The following EPHA4 variants were observed in gnomAD, a reference collection of about 807,000 sequenced individuals.
The protein encoded by EPHA4 is EPH receptor A4.
In EPHA4, 19 loss-of-function variants were observed where a neutral mutation model predicts 108.3. That is an observed-to-expected ratio of 0.18 (90% CI 0.12 to 0.26). EPHA4 has a LOEUF of 0.26. EPHA4 is among the 10% of genes least tolerant of loss of function. EPHA4 has a pLI of 1.00. For synonymous variants in EPHA4, 449 were observed against 455.5 expected (o/e 0.99, Z 0.18); for missense variants, 917 against 1,254.0 (o/e 0.73, Z 4.06).
In EPHA4 at chr2:221,564,261, T is replaced by C; in HGVS notation, c.293A>G (p.Tyr98Cys). The C allele has an allele frequency of 6.2e-7, 1 of 1,614,140 alleles. No individual in the cohort carries two copies. Among genetic ancestry groups the C allele is most frequent in the African/African-American group, 1.3e-5 (1 of 75,030 alleles). ...CCTCAAGGTGAATTTAATCTCAATA[T>C]ACACCCTCTGAGCCCCTTCTCGGGT... is the stretch of plus-strand genomic sequence containing the variant. ...WITREGAQRV[Y>C]IEIKFTLRDC... The change falls in exon 3 of 18, where the codon TAT becomes TGT. Residue 98 changes from tyrosine to cysteine, a missense_variant. Tyr to Cys is a radical substitution (Grantham distance 194). Coordinates refer to ENST00000281821, the MANE Select transcript of EPHA4 (RefSeq NM_004438.5).
chr2:221,474,746 T>C (rs1447975351), intron 5 of EPHA4, among the ~76,000 whole-genome samples: 1 of 152,238 alleles, frequency 6.6e-6, no homozygotes, highest in African/African-American at 2.4e-5. Context: ...TCGATTTCAC[T>C]AGTACCATCA....
intron 3 of EPHA4, among the ~76,000 whole-genome samples, chr2:221,503,699 C>T (rs185572223): frequency 4.6e-5 from 7 of 152,310 alleles, no homozygotes; most frequent in Admixed American, 4.6e-4. Context: ...TTATAAAACA[C>T]AGGCAGAAAA....
intron 3 of EPHA4, among the ~76,000 whole-genome samples, chr2:221,504,113 C>T (rs1202811737): frequency 6.6e-6 from 1 of 152,152 alleles, no homozygotes; most frequent in East Asian, 1.9e-4. Context: ...GTGAGAACTG[C>T]TATGCTGTAT....
At chr2:221,527,900 C>A (rs193170234) in intron 3 of EPHA4, among the ~76,000 whole-genome samples, 181 of 152,248 alleles carry the variant, frequency 1.2e-3, no homozygotes, top group African/African-American at 4.0e-3. Context: ...AGCTGCCCTG[C>A]AAACCCCTCC....
chr2:221,455,574 A>G lies in EPHA4; in HGVS notation c.1688T>C (p.Leu563Pro). 6.2e-7 allele frequency: 1 copy of G among 1,613,920 alleles called. No individual in the cohort carries two copies. The highest frequency in any genetic ancestry group is 8.5e-7 in the Non-Finnish European group (1 of 1,179,890). The change falls in exon 8 of 18, where the codon CTC (leucine) becomes CCC (proline). Residue 563 changes from leucine (L) to proline (P), a missense_variant. Around this residue, in one of 3 missense-constraint regions of EPHA4, gnomAD observed 758 missense variants for 1,076.7 expected, o/e 0.70. Coordinates refer to ENST00000281821, the MANE Select transcript of EPHA4 (RefSeq NM_004438.5). ...VSGSVVLVVI[L>P]IAAFVISRRR... ...CCGGCTGATGACAAAAGCTGCAATG[A>G]GAATTACCACCAGCACCACACTGCC...
chr2:221,511,188 C>T (rs1024783530), intron 3 of EPHA4, among the ~76,000 whole-genome samples: 1 of 152,098 alleles, frequency 6.6e-6, no homozygotes, highest in Middle Eastern at 3.4e-3. Context: ...GAAACTTTTA[C>T]TTAGTTTGAT....
chr2:221,470,640 A>T (rs962927937), intron 5 of EPHA4, among the ~76,000 whole-genome samples: 3 of 142,758 alleles, frequency 2.1e-5, no homozygotes, highest in African/African-American at 5.3e-5. Flanking sequence ...CACTTTAGGG[A>T]ACCTTTTTTA....
intron 4 of EPHA4, among the ~76,000 whole-genome samples, chr2:221,488,843 C>T (rs976822008): frequency 5.3e-5 from 8 of 152,152 alleles, no homozygotes; most frequent in South Asian, 4.1e-4. Context: ...CATTTAAGAA[C>T]GGCAATATTC....
chr2:221,439,815 G>C (rs186036222), intron 11 of EPHA4, among the ~76,000 whole-genome samples: 1 of 152,158 alleles, frequency 6.6e-6, no homozygotes, highest in Non-Finnish European at 1.5e-5. Flanking sequence ...CTGTGGAGAC[G>C]ACAGGAGAGG....
At chr2:221,514,163 C>T (rs764299244) in intron 3 of EPHA4, among the ~76,000 whole-genome samples, 4 of 151,812 alleles carry the variant, frequency 2.6e-5, no homozygotes, top group East Asian at 1.9e-4. Context: ...CCCAAGAAAT[C>T]GGTTTGAATC....
intron 4 of EPHA4, among the ~76,000 whole-genome samples, chr2:221,499,737 TATATATATA>T (rs1692419419): frequency 5.7e-5 from 3 of 52,244 alleles, no homozygotes; most frequent in African/African-American, 3.2e-4. Flanking sequence ...TATATATATA[TATATATATA>T]TATATATATA....
intron 15 of EPHA4, among the ~76,000 whole-genome samples, 196 bp downstream of exon 15, chr2:221,429,762 C>T (rs1690016399): frequency 6.6e-6 from 1 of 152,058 alleles, no homozygotes; most frequent in African/African-American, 2.4e-5. Flanking sequence ...CTATTTGATG[C>T]CTGACAGGTA....
intron 5 of EPHA4, among the ~76,000 whole-genome samples, chr2:221,462,054 T>C (rs1691162157): frequency 6.6e-6 from 1 of 150,760 alleles, no homozygotes; most frequent in South Asian, 2.1e-4. Context: ...CATTCCTATC[T>C]ACCCACGGAC....
chr2:221,567,380 C>T (rs1440328740), intron 2 of EPHA4, among the ~76,000 whole-genome samples: 1 of 152,154 alleles, frequency 6.6e-6, no homozygotes, highest in Admixed American at 6.5e-5. Flanking sequence ...TGACTCTCAC[C>T]AAGATAAAGC....
intron 8 of EPHA4, among the ~76,000 whole-genome samples, chr2:221,446,938 A>G (rs547714307): frequency 7.9e-5 from 12 of 152,348 alleles, no homozygotes; most frequent in African/African-American, 2.9e-4. Flanking sequence ...ACAACTTTTA[A>G]TAGCCTAAAT....
intron 3 of EPHA4, among the ~76,000 whole-genome samples, chr2:221,561,364 A>C (rs1694458985): frequency 6.6e-6 from 1 of 152,232 alleles, no homozygotes; most frequent in Non-Finnish European, 1.5e-5. Flanking sequence ...AGAAACAAAC[A>C]ACCAAAGTGC....
At chr2:221,557,858 A>G (rs1427053068) in intron 3 of EPHA4, among the ~76,000 whole-genome samples, 1 of 152,226 alleles carries the variant, frequency 6.6e-6, no homozygotes, top group Admixed American at 6.5e-5. Flanking sequence ...ACATTCTCAT[A>G]AGGAAGTTCT....
intron 3 of EPHA4, among the ~76,000 whole-genome samples, chr2:221,542,911 G>T (rs967476095): frequency 2.6e-5 from 4 of 152,258 alleles, no homozygotes; most frequent in African/African-American, 9.6e-5. Context: ...AACTTTAAAA[G>T]AAGTTTTCTC....
In EPHA4 at chr2:221,438,798, A is replaced by T. The variant is rs200936391; in HGVS notation, c.2075-1676T>A. ...AGAGTCATTCTAAAAAAATAAAAATAAAAAAAATCACACTTTTTATTGCTG... is the reference window on the plus strand; with the variant it reads ...AGAGTCATTCTAAAAAAATAAAAATTAAAAAAATCACACTTTTTATTGCTG... On this transcript the variant is annotated intron_variant, in intron 11 of 17. Coordinates refer to ENST00000281821, the MANE Select transcript of EPHA4 (RefSeq NM_004438.5). Among the ~76,000 whole-genome samples the T allele has an allele frequency of 9.5e-5, 5 of 52,622 alleles. No homozygotes were observed. The South Asian group carries it at 2.4e-3, about 25-fold the overall frequency. The allele number at this position is 52,622 out of a possible 152,430, so 34.5% of individuals were successfully genotyped here.
Sources: allele counts gnomAD v4.1 joint callset (sites outside exome capture counted in the v4.1 genomes callset), GRCh38; gene constraint gnomAD v4.1.1; regional missense constraint gnomAD v4.1.1; transcripts MANE v1.5; gene names NCBI Gene and HGNC (gene_info 2026-07-23, HGNC 2026-07-21).